The following TESK2 variants were observed in gnomAD, a reference collection of about 807,000 sequenced individuals.
The protein encoded by TESK2 is dual specificity testis-specific protein kinase 2.
TESK2 carries 39 observed loss-of-function variants against 57.1 expected under a neutral mutation model. The ratio of observed to expected loss-of-function variants is 0.68; its 90% CI spans 0.53 to 0.89. The LOEUF (loss-of-function observed/expected upper bound fraction) is 0.89, where lower values mean the gene tolerates loss of function less well. Among genes scored for constraint, TESK2 ranks in the 40% least tolerant of loss-of-function variants. The probability of loss-of-function intolerance (pLI) is 0.00; values close to 1 mark genes in which losing one functional copy is unlikely to be tolerated. For missense variants in TESK2, 646 were observed against 732.1 expected, an observed-to-expected ratio of 0.88 and a Z score of 1.36; for synonymous variants, 249 against 267.9, an observed-to-expected ratio of 0.93 and a Z score of 0.69.
intron 2 of TESK2, among the ~76,000 whole-genome samples, chr1:45,453,341 C>CAAAA (rs560016914): frequency 7.5e-5 from 4 of 53,094 alleles, no homozygotes; most frequent in Non-Finnish European, 1.7e-4. Flanking sequence ...GACCCTGTCT[C>CAAAA]AAAAAAAAAA....
At chr1:45,414,469 A>G (rs1390528274) in intron 3 of TESK2, among the ~76,000 whole-genome samples, 1 of 152,230 alleles carries the variant, frequency 6.6e-6, no homozygotes, top group East Asian at 1.9e-4. Context: ...GCTACCTTTC[A>G]TACATTAGAA....
At chr1:45,346,434 A>G (rs1271334679) in intron 9 of TESK2, among the ~76,000 whole-genome samples, 1 of 152,234 alleles carries the variant, frequency 6.6e-6, no homozygotes, top group Non-Finnish European at 1.5e-5. Flanking sequence ...CCAGAGTTCC[A>G]TCAACACCTA....
At chr1:45,382,849 CAA>C (rs1271690894) in intron 4 of TESK2, among the ~76,000 whole-genome samples, 1 of 151,978 alleles carries the variant, frequency 6.6e-6, no homozygotes, top group African/African-American at 2.4e-5. Flanking sequence ...GCCTGGGCAA[CAA>C]GAGTGAAACT....
At chr1:45,355,985 A>G (rs1218975587) in intron 4 of TESK2, among the ~76,000 whole-genome samples, 1 of 152,238 alleles carries the variant, frequency 6.6e-6, no homozygotes, top group Non-Finnish European at 1.5e-5. Flanking sequence ...TATAGGAAAC[A>G]AAAGAAGCAT....
At chr1:45,465,054 T>C (rs1652488853) in intron 1 of TESK2, among the ~76,000 whole-genome samples, 1 of 152,078 alleles carries the variant, frequency 6.6e-6, no homozygotes, top group Admixed American at 6.6e-5. Flanking sequence ...CTGGCCAACA[T>C]GGTGAAACCC....
chr1:45,444,117 T>A (rs1260172042), intron 2 of TESK2, among the ~76,000 whole-genome samples: 1 of 150,884 alleles, frequency 6.6e-6, no homozygotes, highest in East Asian at 1.9e-4. Flanking sequence ...AGTTCAAAGT[T>A]ACAGTGAGTT....
intron 2 of TESK2, among the ~76,000 whole-genome samples, chr1:45,454,522 T>C (rs1227598589): frequency 6.6e-6 from 1 of 152,080 alleles, no homozygotes; most frequent in Non-Finnish European, 1.5e-5. Flanking sequence ...CAGGCAATTC[T>C]CCCGTCTTGG....
At chr1:45,402,906 A>C (rs1169593251) in intron 3 of TESK2, among the ~76,000 whole-genome samples, 1 of 152,156 alleles carries the variant, frequency 6.6e-6, no homozygotes, top group African/African-American at 2.4e-5. Context: ...AGCACAAAAT[A>C]AATTGCTTTG....
Position 45,344,787 on chromosome 1 carries a change from A to T in TESK2, c.*53T>A. 1 of 1,502,878 alleles carries T rather than the reference A, an allele frequency of 6.7e-7. No homozygotes were observed. Among genetic ancestry groups the T allele is most frequent in the Non-Finnish European group, 9.1e-7 (1 of 1,098,732 alleles). 93.1% of individuals were successfully genotyped at this position (1,502,878 alleles called of 1,614,324 possible). A position where few individuals can be genotyped will look rare whatever the true frequency, so the allele number is the denominator to read the frequency against. Reference sequence around the variant, plus strand: ...ATCAAGGCTGTGCACCTAGGGGGCCATATGGTTTCAGCTGAAGGTCCATCC... The same window carrying T: ...ATCAAGGCTGTGCACCTAGGGGGCCTTATGGTTTCAGCTGAAGGTCCATCC... On this transcript the variant is annotated 3_prime_UTR_variant, in exon 11 of 11. Transcript: ENST00000372086.
chr1:45,457,206 G>A (rs1033470448), intron 2 of TESK2, among the ~76,000 whole-genome samples: 2 of 152,090 alleles, frequency 1.3e-5, no homozygotes, highest in African/African-American at 4.8e-5. Flanking sequence ...TAAGGTGTGT[G>A]CATAATATAT....
chr1:45,365,510 A>AT (rs528286538), intron 4 of TESK2, among the ~76,000 whole-genome samples: 3 of 151,288 alleles, frequency 2.0e-5, no homozygotes, highest in Non-Finnish European at 2.9e-5. Context: ...ATTTATTTTC[A>AT]TTTTTTTTAT....
At chr1:45,364,631 G>A (rs1041521909) in intron 4 of TESK2, among the ~76,000 whole-genome samples, 1 of 152,174 alleles carries the variant, frequency 6.6e-6, no homozygotes, top group Non-Finnish European at 1.5e-5. Flanking sequence ...TCTGGTAGCA[G>A]GATAGAGAAG....
chr1:45,375,459 C>T (rs773062380), intron 4 of TESK2, among the ~76,000 whole-genome samples: 24 of 150,280 alleles, frequency 1.6e-4, no homozygotes, highest in Non-Finnish European at 2.9e-4. Context: ...TGCACCCAGC[C>T]CACCTTCTTA....
intron 4 of TESK2, among the ~76,000 whole-genome samples, 169 bp from the exon 5 acceptor site, chr1:45,355,618 T>A (rs1647388123): frequency 6.6e-6 from 1 of 152,194 alleles, no homozygotes; most frequent in African/African-American, 2.4e-5. Context: ...ACAATGACAC[T>A]TTCCTTTAAG....
intron 2 of TESK2, among the ~76,000 whole-genome samples, chr1:45,436,304 C>T (rs1404757006): frequency 6.8e-6 from 1 of 146,416 alleles, no homozygotes; most frequent in Admixed American, 7.1e-5. Flanking sequence ...CCTGCCTCAG[C>T]CTCCTGAGTA....
chr1:45,406,708 C>T (rs1389555851), intron 3 of TESK2, among the ~76,000 whole-genome samples: 4 of 152,102 alleles, frequency 2.6e-5, no homozygotes, highest in Non-Finnish European at 5.9e-5. Flanking sequence ...TTCACCTTTA[C>T]TACCACCATG....
chr1:45,464,618 C>T (rs1223016182), intron 1 of TESK2, among the ~76,000 whole-genome samples: 1 of 152,176 alleles, frequency 6.6e-6, no homozygotes, highest in African/African-American at 2.4e-5. Flanking sequence ...TATCCTACAA[C>T]TTTACTGAAT....
At chr1:45,436,983 AG>A (rs1327059205) in intron 2 of TESK2, among the ~76,000 whole-genome samples, 1 of 150,964 alleles carries the variant, frequency 6.6e-6, no homozygotes, top group Non-Finnish European at 1.5e-5. Context: ...TTTTTAGTAG[AG>A]ATAGGGTTTC....
intron 1 of TESK2, among the ~76,000 whole-genome samples, chr1:45,472,558 CAAAA>C (rs11294894): frequency 2.8e-5 from 3 of 107,042 alleles, no homozygotes; most frequent in Non-Finnish European, 1.9e-5. Context: ...AACTCCATCT[CAAAA>C]AAAAAAAAAA....
Sources: allele counts gnomAD v4.1 joint callset (sites outside exome capture counted in the v4.1 genomes callset), GRCh38; gene constraint gnomAD v4.1.1; transcripts MANE v1.5; gene names NCBI Gene and HGNC (gene_info 2026-07-23, HGNC 2026-07-21).